TEX9: variants seen among roughly 807,000 people sequenced by gnomAD.
The protein encoded by TEX9 is testis expressed 9.
Under a neutral mutation model 59.6 loss-of-function variants are expected in TEX9, and 74 were observed. That is an observed-to-expected ratio of 1.24 (90% CI 1.03 to 1.51). TEX9 has a LOEUF of 1.51. Among genes scored for constraint, TEX9 ranks in the 40% most tolerant of loss-of-function variants. The probability of loss-of-function intolerance (pLI) is 0.00; values close to 1 mark genes in which losing one functional copy is unlikely to be tolerated. For missense variants in TEX9, 522 were observed against 447.8 expected (o/e 1.17, Z -1.49); for synonymous variants, 186 against 152.2 (o/e 1.22, Z -1.64).
chr15:56,389,286 A>G, intron 5 of TEX9, 32 bp from the exon 6 acceptor site: 1 of 1,545,248 alleles, frequency 6.5e-7, no homozygotes, highest in Non-Finnish European at 8.9e-7. Context: ...TTAGACTCTA[A>G]TTAGTCAATA....
intron 1 of TEX9, among the ~76,000 whole-genome samples, chr15:56,305,693 C>T (rs778701355): frequency 6.6e-6 from 1 of 152,142 alleles, no homozygotes; most frequent in African/African-American, 2.4e-5. Flanking sequence ...TGGGAAAGCG[C>T]TCCAGGACAT....
intron 1 of TEX9, among the ~76,000 whole-genome samples, chr15:56,295,591 G>A (rs1567076137): frequency 6.6e-6 from 1 of 152,208 alleles, no homozygotes; most frequent in Non-Finnish European, 1.5e-5. Flanking sequence ...CCAGGTTCCT[G>A]ACCATCTCAT....
intron 1 of TEX9, among the ~76,000 whole-genome samples, chr15:56,285,884 A>G (rs1486191930): frequency 3.3e-5 from 5 of 152,324 alleles, no homozygotes; most frequent in East Asian, 3.9e-4. Context: ...CAAAATGAAA[A>G]TAGTGGCAAT....
chr15:56,304,920 G>T (rs1241879689), intron 1 of TEX9, among the ~76,000 whole-genome samples: 14 of 152,112 alleles, frequency 9.2e-5, no homozygotes, highest in Admixed American at 9.2e-4. Flanking sequence ...ATGGGGTGTT[G>T]CCATGTTGCC....
intron 4 of TEX9, 68 bp downstream of exon 4, chr15:56,384,099 T>C: frequency 8.0e-7 from 1 of 1,250,264 alleles, no homozygotes; most frequent in East Asian, 2.3e-5. Flanking sequence ...GTAAGATCTT[T>C]TTTGCATGCA....
intron 1 of TEX9, among the ~76,000 whole-genome samples, chr15:56,358,879 C>T (rs964982684): frequency 1.3e-5 from 2 of 152,122 alleles, no homozygotes; most frequent in African/African-American, 4.8e-5. Context: ...TCCTCTTTCA[C>T]GTACTTGCTC....
chr15:56,309,693 GTTTTT>G (rs60648387), intron 1 of TEX9, among the ~76,000 whole-genome samples: 252 of 60,778 alleles, frequency 4.1e-3, no homozygotes, highest in African/African-American at 0.014. Flanking sequence ...TTTATGGGAA[GTTTTT>G]TTTTTTTTTT....
At chr15:56,432,362 A>G (rs183303608) in intron 12 of TEX9, among the ~76,000 whole-genome samples, 22 of 152,326 alleles carry the variant, frequency 1.4e-4, no homozygotes, top group African/African-American at 5.3e-4. Flanking sequence ...CCTCCTGGGA[A>G]GTTTCAGATT....
At chr15:56,288,605 C>G (rs2045008725) in intron 1 of TEX9, among the ~76,000 whole-genome samples, 1 of 151,394 alleles carries the variant, frequency 6.6e-6, no homozygotes, top group African/African-American at 2.4e-5. Context: ...AAACCCATTG[C>G]TAGCCTTTTC....
chr15:56,401,121 A>C (rs1352326095), intron 9 of TEX9, among the ~76,000 whole-genome samples: 2 of 151,676 alleles, frequency 1.3e-5, no homozygotes, highest in African/African-American at 4.9e-5. Flanking sequence ...GATCAGATTC[A>C]CACATAACAA....
chr15:56,343,181 T>C (rs1788560285), intron 1 of TEX9, among the ~76,000 whole-genome samples: 1 of 152,116 alleles, frequency 6.6e-6, no homozygotes, highest in Admixed American at 6.6e-5. Flanking sequence ...CTATAGAAAT[T>C]AGAAAATATC....
At chr15:56,244,825 C>A (rs934240403) in intron 1 of TEX9, among the ~76,000 whole-genome samples, 12 of 151,938 alleles carry the variant, frequency 7.9e-5, no homozygotes, top group African/African-American at 2.7e-4. Flanking sequence ...CCATTCCCCC[C>A]CTTCCCATTC....
intron 9 of TEX9, chr15:56,396,520 C>T (rs1434163372): frequency 6.6e-6 from 1 of 150,868 alleles, no homozygotes; most frequent in African/African-American, 2.4e-5. Flanking sequence ...TGGACTTTTC[C>T]CAAATGTCAC....
downstream of TEX9, among the ~76,000 whole-genome samples, chr15:56,446,323 A>C (rs1238661263): frequency 6.6e-6 from 1 of 152,040 alleles, no homozygotes; most frequent in Non-Finnish European, 1.5e-5. Flanking sequence ...AAGCACTCCT[A>C]GTGAGTATGC....
At chr15:56,412,219 T>G in intron 9 of TEX9, 83 bp from the exon 10 acceptor site, 1 of 1,310,266 alleles carries the variant, frequency 7.6e-7, no homozygotes, top group Admixed American at 2.4e-5. Context: ...GCAAGGAATA[T>G]GGATATGGAA....
chr15:56,452,471 G>A, the TEX9 span, among the ~76,000 whole-genome samples: 1 of 151,720 alleles, frequency 6.6e-6, no homozygotes, highest in Non-Finnish European at 1.5e-5. Context: ...CAGACTCCCA[G>A]AAAGAAAATG....
intron 2 of TEX9, 79 bp downstream of exon 2, chr15:56,365,749 C>G: frequency 6.4e-7 from 1 of 1,573,132 alleles, no homozygotes. Flanking sequence ...TTTCTGGAGA[C>G]TGGCTGGATC....
intron 6 of TEX9, 106 bp from the exon 7 acceptor site, chr15:56,391,137 A>G: frequency 1.7e-6 from 1 of 590,554 alleles, no homozygotes; most frequent in East Asian, 3.5e-5. Flanking sequence ...ATTTATAATA[A>G]TTTTGATCTG....
At chr15:56,447,708 T>TCA (rs1462666119), downstream of TEX9, 2 of 152,206 alleles carry the variant, frequency 1.3e-5, no homozygotes, top group African/African-American at 4.8e-5. Context: ...TACAGTTTGA[T>TCA]AAGTTTTTAC....
Sources: allele counts gnomAD v4.1 joint callset (sites outside exome capture counted in the v4.1 genomes callset), GRCh38; gene constraint gnomAD v4.1.1; transcripts MANE v1.5; gene names NCBI Gene and HGNC (gene_info 2026-07-23, HGNC 2026-07-21).